Variants in EHBP1 observed in about 807,000 individuals in gnomAD.
EHBP1 encodes EH domain binding protein 1.
Under a neutral mutation model 144.0 loss-of-function variants are expected in EHBP1, and 55 were observed. The ratio of observed to expected loss-of-function variants is 0.38; its 90% confidence interval spans 0.31 to 0.48. The LOEUF is 0.48. Among genes scored for constraint, EHBP1 ranks in the 20% least tolerant of loss-of-function variants. EHBP1 has a pLI of 0.98. For synonymous variants in EHBP1, 469 were observed against 472.7 expected (o/e 0.99, Z 0.10); for missense variants, 1,200 against 1,364.2 (o/e 0.88, Z 1.90).
rs913020307 is a variant in EHBP1 at position 62,858,517 on chromosome 2, G to A, written c.635-652G>A. 5 of 1,587,296 alleles carry A rather than the reference G, an allele frequency of 3.2e-6. No homozygotes were observed. The African/African-American group carries it at 4.0e-5, about 13-fold the overall frequency. ...TCAGCCAGTTCCTCTGAAGGTCTAAGAGCTTTCCTCCTTTCTTTCTGCTTC... is the reference window on the plus strand; with the variant it reads ...TCAGCCAGTTCCTCTGAAGGTCTAAAAGCTTTCCTCCTTTCTTTCTGCTTC... On this transcript the variant is annotated intron_variant, in intron 7 of 22. Coordinates refer to ENST00000431489, the MANE Select transcript of EHBP1 (RefSeq NM_001142616.3).
intron 2 of EHBP1, among the ~76,000 whole-genome samples, chr2:62,723,091 A>G (rs1194510377): frequency 6.6e-6 from 1 of 152,192 alleles, no homozygotes; most frequent in African/African-American, 2.4e-5. Context: ...GTGATCTAAT[A>G]CTGTCAGTGA....
intron 10 of EHBP1, among the ~76,000 whole-genome samples, chr2:62,927,202 G>A (rs1407214640): frequency 6.6e-6 from 1 of 152,158 alleles, no homozygotes; most frequent in Admixed American, 6.5e-5. Context: ...GAAGGCAGGG[G>A]AGGTGGTGGG....
intron 10 of EHBP1, among the ~76,000 whole-genome samples, chr2:62,919,697 TG>T (rs1364514790): frequency 6.6e-6 from 1 of 152,100 alleles, no homozygotes; most frequent in Admixed American, 6.5e-5. Flanking sequence ...AAAGATCTAA[TG>T]TCAGATCTAC....
At chr2:62,705,295 C>A (rs371420343), upstream of EHBP1, among the ~76,000 whole-genome samples, 2 of 152,032 alleles carry the variant, frequency 1.3e-5, no homozygotes, top group East Asian at 3.9e-4. Context: ...ACAGCTGCAG[C>A]GAAGCCAATC....
intron 11 of EHBP1, among the ~76,000 whole-genome samples, chr2:62,943,172 T>G (rs1574165196): frequency 6.6e-6 from 1 of 151,230 alleles, no homozygotes; most frequent in East Asian, 2.0e-4. Flanking sequence ...AGGTCAGGAG[T>G]TTGAGACCAG....
At position 62,929,960 on chromosome 2, in the gene EHBP1, G is replaced by A. The variant is rs903535134; in HGVS notation, c.1186-12758G>A. The stretch of plus-strand genomic sequence containing the variant: ...TAAGAAAGTACTTTCATTAACAATA[G>A]CATCAGCCAGACACAGAAGCTAACA... On this transcript the variant is annotated intron_variant, in intron 10 of 22. Coordinates refer to ENST00000431489, the MANE Select transcript of EHBP1 (RefSeq NM_001142616.3). Among the ~76,000 whole-genome samples, 11 of 152,092 alleles carry A rather than the reference G, an allele frequency of 7.2e-5. 1 individual carries two copies. Among genetic ancestry groups the A allele is most frequent in the Admixed American group, 4.6e-4 (7 of 15,264 alleles).
In EHBP1 at chr2:62,949,135, T is replaced by G. The variant is rs537129305; in HGVS notation, c.2289T>G (p.His763Gln). 1 of 1,563,194 alleles carries G rather than the reference T, an allele frequency of 6.4e-7. No homozygotes were observed. The highest frequency in any genetic ancestry group is 2.1e-5 in the Admixed American group (1 of 47,428). The change falls in exon 13 of 23, where the codon CAT becomes CAG. Residue 763 changes from histidine (H) to glutamine (Q), a missense_variant. By Grantham distance (24) the His-to-Gln change is conservative (BLOSUM62 0). Around this residue, in one of 6 missense-constraint regions of EHBP1, gnomAD observed 543 missense variants for 513.1 expected, o/e 1.06. Transcript: ENST00000431489. ...ATGCTGATAGAACCACTTTAAATCA[T>G]GCAGATCATTCATCAAAAATAGTCC... The part of the protein sequence containing the change: ...DPDADRTTLN[H>Q]ADHSSKIVQH...
chr2:62,962,438 A>G (rs1179697525), intron 14 of EHBP1, among the ~76,000 whole-genome samples: 2 of 152,254 alleles, frequency 1.3e-5, no homozygotes, highest in Non-Finnish European at 2.9e-5. Flanking sequence ...GCCCACCATT[A>G]CATTTAATGA....
chr2:62,849,499 T>C (rs2048530757), intron 7 of EHBP1, among the ~76,000 whole-genome samples: 1 of 152,184 alleles, frequency 6.6e-6, no homozygotes, highest in Non-Finnish European at 1.5e-5. Context: ...TAATTTGTTG[T>C]TTTAAGTCAC....
chr2:62,800,880 A>G (rs1014696084), intron 5 of EHBP1, among the ~76,000 whole-genome samples: 1 of 152,186 alleles, frequency 6.6e-6, no homozygotes, highest in Non-Finnish European at 1.5e-5. Flanking sequence ...GTAGAACTAG[A>G]TGAGATCCAC....
intron 7 of EHBP1, among the ~76,000 whole-genome samples, chr2:62,850,793 A>G (rs2048641039): frequency 6.6e-6 from 1 of 152,144 alleles, no homozygotes; most frequent in African/African-American, 2.4e-5. Context: ...TTTTCTTTTA[A>G]GTTAATTTTT....
chr2:62,812,736 A>C (rs2045117601), intron 5 of EHBP1, among the ~76,000 whole-genome samples: 2 of 152,188 alleles, frequency 1.3e-5, no homozygotes, highest in Admixed American at 1.3e-4. Flanking sequence ...TGGCGGAAGA[A>C]GTAACTAAGC....
chr2:62,725,730 A>G (rs2036712433), intron 2 of EHBP1, among the ~76,000 whole-genome samples: 1 of 152,156 alleles, frequency 6.6e-6, no homozygotes, highest in African/African-American at 2.4e-5. Flanking sequence ...GGGTGCATGC[A>G]CATGGGCAGC....
At chr2:62,786,654 T>G (rs2042824760) in intron 5 of EHBP1, among the ~76,000 whole-genome samples, 1 of 152,252 alleles carries the variant, frequency 6.6e-6, no homozygotes, top group African/African-American at 2.4e-5. Flanking sequence ...TCTTAAAGAT[T>G]AAGTTAGCTT....
At chr2:63,037,420 A>G (rs529252695) in intron 19 of EHBP1, 115 bp from the exon 20 acceptor site, 1 of 653,872 alleles carries the variant, frequency 1.5e-6, no homozygotes, top group African/African-American at 1.9e-5. Flanking sequence ...AAGCAGTTTA[A>G]TATATAGTAT....
At chr2:62,880,596 G>A (rs72888993) in intron 10 of EHBP1, among the ~76,000 whole-genome samples, 214 of 152,196 alleles carry the variant, frequency 1.4e-3, no homozygotes, top group African/African-American at 4.9e-3. Context: ...CAAAGAACAT[G>A]AAAAGACACT....
chr2:62,683,990 G>C (rs1207044778), intron 1 of EHBP1, among the ~76,000 whole-genome samples: 2 of 152,170 alleles, frequency 1.3e-5, no homozygotes, highest in African/African-American at 4.8e-5. Flanking sequence ...AGAGGTGTCA[G>C]GCACACTTGG....
chr2:62,761,275 A>G (rs1460309124), intron 3 of EHBP1, among the ~76,000 whole-genome samples: 3 of 152,172 alleles, frequency 2.0e-5, no homozygotes, highest in African/African-American at 7.2e-5. Context: ...TTTTTTAATC[A>G]AGAAAACTCT....
chr2:62,890,983 G>T (rs2052413100), intron 10 of EHBP1, among the ~76,000 whole-genome samples: 1 of 152,084 alleles, frequency 6.6e-6, no homozygotes, highest in South Asian at 2.1e-4. Context: ...TCTGACACCA[G>T]CCTGGCCAAC....
Sources: allele counts gnomAD v4.1 joint callset (sites outside exome capture counted in the v4.1 genomes callset), GRCh38; gene constraint gnomAD v4.1.1; regional missense constraint gnomAD v4.1.1; transcripts MANE v1.5; gene names NCBI Gene and HGNC (gene_info 2026-07-23, HGNC 2026-07-21).